The following ITFG1 variants were observed in gnomAD, a reference collection of about 807,000 sequenced individuals.
ITFG1 encodes T-cell immunomodulatory protein.
Under a neutral mutation model 81.8 loss-of-function variants are expected in ITFG1, and 34 were observed. That is an observed-to-expected ratio of 0.42 (90% confidence interval 0.32 to 0.55). ITFG1 has a LOEUF of 0.55. ITFG1 is among the 20% of genes least tolerant of loss of function. The pLI is 0.17. For missense variants in ITFG1, 672 were observed against 755.4 expected (o/e 0.89, Z 1.29); for synonymous variants, 285 against 270.6 (o/e 1.05, Z -0.52).
At chr16:47,191,142 C>T (rs931473621) in intron 14 of ITFG1, among the ~76,000 whole-genome samples, 2 of 152,286 alleles carry the variant, frequency 1.3e-5, no homozygotes, top group Non-Finnish European at 2.9e-5. Flanking sequence ...GCATTTTATA[C>T]CTGAATGTTC....
chr16:47,361,101 T>C (rs1968102731), intron 8 of ITFG1, among the ~76,000 whole-genome samples: 2 of 152,176 alleles, frequency 1.3e-5, no homozygotes, highest in Admixed American at 6.6e-5. Context: ...TTATTTTTTA[T>C]AGGATTATTT....
intron 14 of ITFG1, chr16:47,218,421 T>C (rs932665100): frequency 3.3e-5 from 5 of 152,094 alleles, no homozygotes; most frequent in African/African-American, 1.2e-4. Flanking sequence ...ATTTTTTCTT[T>C]ATAATAATAT....
At chr16:47,274,508 A>G in intron 10 of ITFG1, among the ~76,000 whole-genome samples, 1 of 152,178 alleles carries the variant, frequency 6.6e-6, no homozygotes, top group East Asian at 1.9e-4. Context: ...ATGTAACACA[A>G]TTAGCCCTTC....
chr16:47,345,563 T>C (rs1386798573), intron 8 of ITFG1, among the ~76,000 whole-genome samples: 5 of 152,304 alleles, frequency 3.3e-5, no homozygotes, highest in East Asian at 1.9e-4. Flanking sequence ...CCTCCAAAAG[T>C]GCTGGAATTA....
In ITFG1 at chr16:47,456,463, G is replaced by A. The variant is rs1476809679; in HGVS notation, c.282-2305C>T. On this transcript the variant is annotated intron_variant, in intron 2 of 17. Coordinates refer to ENST00000320640, the MANE Select transcript of ITFG1 (RefSeq NM_030790.5). Reference sequence around the variant, plus strand: ...CTAGCACTTTGGGAGGCCAAGGCAGGTGGATTGCCTGAGCTCAGGAGTTTT... The same window carrying A: ...CTAGCACTTTGGGAGGCCAAGGCAGATGGATTGCCTGAGCTCAGGAGTTTT... Among the ~76,000 whole-genome samples, 6 of 152,130 alleles carry A rather than the reference G, an allele frequency of 3.9e-5. No homozygotes were observed. In the South Asian group the frequency reaches 6.2e-4, roughly 16 times the overall value.
intron 14 of ITFG1, among the ~76,000 whole-genome samples, chr16:47,199,923 A>C (rs1395983111): frequency 2.6e-5 from 4 of 151,814 alleles, no homozygotes; most frequent in African/African-American, 9.7e-5. Context: ...AGTGCTGCAC[A>C]GTTCACAATA....
rs562573099 is a variant in ITFG1, at chr16:47,427,604, C to T, written c.655+1200G>A. 7.2e-5 allele frequency among the ~76,000 whole-genome samples: 11 copies of T among 152,030 alleles called. No individual in the cohort carries two copies. The East Asian group carries it at 1.8e-3, about 24-fold the overall frequency. On this transcript the variant is annotated intron_variant, in intron 6 of 17. Transcript: ENST00000320640. The stretch of plus-strand genomic sequence containing the variant: ...TCGCACCACTGCACTACAGCCTGGG[C>T]GACAGAGCGAGACTCTGTCTCCAAA...
At chr16:47,305,839 G>A (rs1033682244) in intron 10 of ITFG1, among the ~76,000 whole-genome samples, 3 of 152,138 alleles carry the variant, frequency 2.0e-5, no homozygotes, top group Non-Finnish European at 4.4e-5. Context: ...TCAGAAAGAG[G>A]CTGCAGACTC....
At chr16:47,249,858 A>C (rs969369143) in intron 12 of ITFG1, among the ~76,000 whole-genome samples, 2 of 152,226 alleles carry the variant, frequency 1.3e-5, no homozygotes, top group African/African-American at 2.4e-5. Flanking sequence ...CCAAAACCCA[A>C]ATATGGCAAT....
intron 14 of ITFG1, among the ~76,000 whole-genome samples, chr16:47,191,331 G>T (rs1287696426): frequency 6.6e-6 from 1 of 151,608 alleles, no homozygotes; most frequent in Non-Finnish European, 1.5e-5. Context: ...GCCACATGTG[G>T]CCCAGGGTGG....
intron 13 of ITFG1, among the ~76,000 whole-genome samples, chr16:47,224,382 G>T (rs955138061): frequency 6.6e-6 from 1 of 152,136 alleles, no homozygotes; most frequent in Non-Finnish European, 1.5e-5. Flanking sequence ...TTATTTCTGG[G>T]AATCTAGAAG....
intron 14 of ITFG1, among the ~76,000 whole-genome samples, chr16:47,183,026 C>T (rs1433593047): frequency 1.3e-5 from 2 of 152,200 alleles, no homozygotes; most frequent in African/African-American, 2.4e-5. Flanking sequence ...CCTGGAAAAT[C>T]GGGTCACTCC....
chr16:47,174,921 A>G (rs1029771195), intron 14 of ITFG1, among the ~76,000 whole-genome samples: 2 of 152,248 alleles, frequency 1.3e-5, no homozygotes, highest in African/African-American at 2.4e-5. Flanking sequence ...TCTCGATGAA[A>G]AGAAGATATA....
chr16:47,400,949 A>T (rs1280041398), intron 6 of ITFG1, among the ~76,000 whole-genome samples: 6 of 152,142 alleles, frequency 3.9e-5, no homozygotes, highest in Non-Finnish European at 8.8e-5. Flanking sequence ...GTGTGATAAG[A>T]TCTCATCTTT....
intron 8 of ITFG1, among the ~76,000 whole-genome samples, chr16:47,364,607 A>T (rs900639833): frequency 2.6e-5 from 4 of 152,230 alleles, no homozygotes; most frequent in Non-Finnish European, 5.9e-5. Context: ...GTGTTCTATC[A>T]CTTGACTATT....
chr16:47,256,874 C>CT (rs1966145007), intron 12 of ITFG1, among the ~76,000 whole-genome samples: 1 of 152,102 alleles, frequency 6.6e-6, no homozygotes, highest in Non-Finnish European at 1.5e-5. Context: ...GTACATGTGC[C>CT]TTTTTTGGTC....
intron 6 of ITFG1, chr16:47,425,802 A>C (rs1349683227): frequency 1.3e-5 from 2 of 151,728 alleles, no homozygotes; most frequent in Non-Finnish European, 2.9e-5. Flanking sequence ...TGTTGCGTAG[A>C]TTGGTCTCAA....
intron 9 of ITFG1, chr16:47,312,517 A>G (rs970617953): frequency 3.3e-5 from 5 of 152,234 alleles, no homozygotes; most frequent in African/African-American, 9.6e-5. Flanking sequence ...TTTTTTTAAA[A>G]AAAAAGGTAT....
chr16:47,375,292 T>G (rs1316041545), intron 7 of ITFG1, among the ~76,000 whole-genome samples: 1 of 152,148 alleles, frequency 6.6e-6, no homozygotes, highest in Non-Finnish European at 1.5e-5. Context: ...TAGCCTGAAA[T>G]TTAACTTTAA....
Sources: allele counts gnomAD v4.1 joint callset (sites outside exome capture counted in the v4.1 genomes callset), GRCh38; gene constraint gnomAD v4.1.1; transcripts MANE v1.5; gene names NCBI Gene and HGNC (gene_info 2026-07-23, HGNC 2026-07-21).